Variants in GREB1 observed in about 807,000 individuals in gnomAD.
The protein encoded by GREB1 is growth regulating estrogen receptor binding 1, also known as protein GREB1.
Under a neutral mutation model 200.7 loss-of-function variants are expected in GREB1, and 106 were observed. That is an observed-to-expected ratio of 0.53 (90% CI 0.45 to 0.62). GREB1 has a LOEUF of 0.62. Among genes scored for constraint, GREB1 ranks in the 20% least tolerant of loss-of-function variants. The pLI is 0.00. For missense variants in GREB1, 2,243 were observed against 2,556.8 expected, an observed-to-expected ratio of 0.88 and a Z score of 2.65; for synonymous variants, 1,132 against 1,092.4, an observed-to-expected ratio of 1.04 and a Z score of -0.72.
At chr2:11,588,457 G>A in intron 9 of GREB1, 1 of 451,260 alleles carries the variant, frequency 2.2e-6, no homozygotes, top group Non-Finnish European at 4.0e-6. Flanking sequence ...TTGGCTCTGG[G>A]CAAGTCCCTC....
chr2:11,626,918 G>C, intron 24 of GREB1, 44 bp from the exon 25 acceptor site: 5 of 1,609,188 alleles, frequency 3.1e-6, no homozygotes, highest in Non-Finnish European at 4.3e-6. Flanking sequence ...GATAATGTTT[G>C]CTTTGCTCCC....
intron 1 of GREB1, among the ~76,000 whole-genome samples, chr2:11,504,435 G>A (rs992066916): frequency 2.0e-5 from 3 of 152,182 alleles, no homozygotes; most frequent in African/African-American, 7.2e-5. Context: ...TCACTATGTT[G>A]AAGCGATTTT....
intron 2 of GREB1, among the ~76,000 whole-genome samples, chr2:11,558,675 C>G (rs891518241): frequency 1.3e-5 from 2 of 152,186 alleles, no homozygotes; most frequent in African/African-American, 4.8e-5. Context: ...ACCAAGCACT[C>G]AGCTAGAGGC....
chr2:11,620,791 A>G, intron 22 of GREB1, 114 bp from the exon 23 acceptor site: 1 of 661,434 alleles, frequency 1.5e-6, no homozygotes, highest in Non-Finnish European at 2.7e-6. Context: ...TCTCATTTTA[A>G]AGACAGGATC....
intron 22 of GREB1, among the ~76,000 whole-genome samples, chr2:11,619,288 T>A (rs151145377): frequency 6.6e-6 from 1 of 152,298 alleles, no homozygotes; most frequent in South Asian, 2.1e-4. Flanking sequence ...AACGGAGAAC[T>A]AGGGGTTCTG....
At chr2:11,560,473 G>A (rs554474783) in intron 2 of GREB1, among the ~76,000 whole-genome samples, 1 of 152,262 alleles carries the variant, frequency 6.6e-6, no homozygotes, top group South Asian at 2.1e-4. Context: ...GGCCGAGGCG[G>A]GTGGATCACC....
intron 6 of GREB1, among the ~76,000 whole-genome samples, chr2:11,579,203 ACT>A (rs773226146): frequency 1.3e-5 from 2 of 151,806 alleles, no homozygotes; most frequent in Non-Finnish European, 1.5e-5. Context: ...ACTGGGATGT[ACT>A]CTCCTCCAGA....
At chr2:11,613,085 G>A (rs906893273) in intron 19 of GREB1, among the ~76,000 whole-genome samples, 2 of 152,172 alleles carry the variant, frequency 1.3e-5, no homozygotes, top group East Asian at 1.9e-4. Flanking sequence ...GACGCTGCTC[G>A]GGAAGAGCTG....
At chr2:11,552,777 C>T (rs530347923) in intron 1 of GREB1, among the ~76,000 whole-genome samples, 7 of 151,844 alleles carry the variant, frequency 4.6e-5, no homozygotes, top group Non-Finnish European at 1.0e-4. Context: ...TTTGGGAGGC[C>T]GAGGCGGGCG....
At chr2:11,499,654 T>C (rs1672977359) in intron 1 of GREB1, among the ~76,000 whole-genome samples, 1 of 152,258 alleles carries the variant, frequency 6.6e-6, no homozygotes, top group Non-Finnish European at 1.5e-5. Context: ...TTACATGTGT[T>C]AATTGCAGAA....
chr2:11,521,300 G>A (rs1240837139), intron 1 of GREB1, among the ~76,000 whole-genome samples: 5 of 152,002 alleles, frequency 3.3e-5, no homozygotes, highest in Admixed American at 3.3e-4. Context: ...AGTAGAGATG[G>A]GGTGTCACAA....
chr2:11,634,428 A>G (rs1033933748), intron 29 of GREB1, 79 bp downstream of exon 29: 1 of 1,116,914 alleles, frequency 9.0e-7, no homozygotes, highest in Non-Finnish European at 1.3e-6. Context: ...CTGGGGCTGC[A>G]GAGGCGTCCT....
rs772498299 is a variant in GREB1, at chr2:11,585,253, G to A, written c.994G>A (p.Gly332Ser). ...TCCAGATGGTGGCTGCCCCCAAGGT[G>A]GTGGGAACAGAGCTAAGTATGGTAA... Reference protein sequence around the residue: ...SAPDGGCPQGGGNRAKYESAG... With the variant: ...SAPDGGCPQGSGNRAKYESAG... The change falls in exon 8 of 33, where the codon GGT (glycine) becomes AGT (serine). Residue 332 changes from glycine to serine, a missense_variant. This residue lies in a region of GREB1 where 1,178 missense variants were observed against 1,387.4 expected (regional missense o/e 0.85). Coordinates refer to ENST00000381486, the MANE Select transcript of GREB1 (RefSeq NM_014668.4). The A allele has an allele frequency of 1.0e-4, 164 of 1,562,626 alleles. No homozygotes were observed. Among genetic ancestry groups the A allele is most frequent in the Non-Finnish European group, 1.3e-4 (153 of 1,156,348 alleles).
intron 1 of GREB1, among the ~76,000 whole-genome samples, chr2:11,513,035 G>C (rs1673394478): frequency 6.6e-6 from 1 of 152,188 alleles, no homozygotes; most frequent in Admixed American, 6.5e-5. Flanking sequence ...TTTTGATAAA[G>C]ATGAAACTTC....
At chr2:11,562,659 C>T in intron 3 of GREB1, 77 bp downstream of exon 3, 7 of 1,452,336 alleles carry the variant, frequency 4.8e-6, no homozygotes, top group Non-Finnish European at 6.5e-6. Context: ...GTGACTGGGC[C>T]TGTGACTGTG....
intron 1 of GREB1, among the ~76,000 whole-genome samples, chr2:11,487,994 C>G (rs987414579): frequency 6.6e-6 from 1 of 152,160 alleles, no homozygotes; most frequent in Admixed American, 6.5e-5. Flanking sequence ...TGGTTCGCCT[C>G]TCGGGGCTCA....
intron 1 of GREB1, among the ~76,000 whole-genome samples, chr2:11,538,195 A>G (rs1330895926): frequency 6.6e-6 from 1 of 152,148 alleles, no homozygotes; most frequent in Non-Finnish European, 1.5e-5. Flanking sequence ...AGGTGCAGGG[A>G]TGGGTGGGGT....
intron 1 of GREB1, among the ~76,000 whole-genome samples, chr2:11,521,340 G>A (rs1019124748): frequency 2.6e-5 from 4 of 152,006 alleles, no homozygotes; most frequent in Admixed American, 2.0e-4. Flanking sequence ...GAACTCCTGG[G>A]CCCAAGCAAT....
At chr2:11,637,638 A>T in intron 30 of GREB1, 78 bp from the exon 31 acceptor site, 1 of 1,347,204 alleles carries the variant, frequency 7.4e-7, no homozygotes, top group Admixed American at 1.8e-5. Context: ...TGCTTGGGCC[A>T]CCCTTGCAGC....
Sources: allele counts gnomAD v4.1 joint callset (sites outside exome capture counted in the v4.1 genomes callset), GRCh38; gene constraint gnomAD v4.1.1; regional missense constraint gnomAD v4.1.1; transcripts MANE v1.5; gene names NCBI Gene and HGNC (gene_info 2026-07-23, HGNC 2026-07-21).